Variants in PRICKLE1 observed in about 807,000 individuals in gnomAD.
PRICKLE1 encodes the protein prickle-like protein 1.
Under a neutral mutation model 70.2 loss-of-function variants are expected in PRICKLE1, and 14 were observed. The ratio of observed to expected loss-of-function variants is 0.20; its 90% CI spans 0.13 to 0.31. The LOEUF (loss-of-function observed/expected upper bound fraction) is 0.31, where lower values mean the gene tolerates loss of function less well. PRICKLE1 is among the 10% of genes least tolerant of loss of function. The pLI is 1.00. For synonymous variants in PRICKLE1, 357 were observed against 379.9 expected (o/e 0.94, Z 0.70); for missense variants, 821 against 1,026.2 (o/e 0.80, Z 2.73).
intron 1 of PRICKLE1, among the ~76,000 whole-genome samples, chr12:42,502,235 C>CTATATA (rs5797801): frequency 0.017 from 2,601 of 149,924 alleles, 39 homozygotes; most frequent in African/African-American, 0.04. Context: ...ATACATATAC[C>CTATATA]TCTATATATA....
intron 7 of PRICKLE1, 149 bp from the exon 8 acceptor site, chr12:42,460,814 A>G: frequency 1.2e-6 from 1 of 842,130 alleles, no homozygotes; most frequent in Non-Finnish European, 1.9e-6. Context: ...ACATGTATCT[A>G]TGCCAATTGA....
chr12:42,465,512 A>G (rs1400710577), intron 6 of PRICKLE1: 2 of 509,748 alleles, frequency 3.9e-6, no homozygotes, highest in Admixed American at 3.6e-5. Context: ...AGTGGTAAAA[A>G]TACGAACTGA....
chr12:42,466,523 A>G, intron 5 of PRICKLE1, 143 bp from the exon 6 acceptor site: 2 of 716,540 alleles, frequency 2.8e-6, no homozygotes, highest in Non-Finnish European at 4.8e-6. Context: ...TCTTAGAGTC[A>G]CAAGCTTAAA....
At chr12:42,509,308 A>G (rs773345706) in intron 1 of PRICKLE1, among the ~76,000 whole-genome samples, 69 of 152,262 alleles carry the variant, frequency 4.5e-4, no homozygotes, top group Non-Finnish European at 7.9e-4. Context: ...CATTTAGGCT[A>G]ACATGAAGGA....
chr12:42,496,553 T>C (rs1216651555), intron 1 of PRICKLE1, among the ~76,000 whole-genome samples: 1 of 152,228 alleles, frequency 6.6e-6, no homozygotes, highest in African/African-American at 2.4e-5. Flanking sequence ...AAATCCTAGA[T>C]GGCATCGTCT....
At chr12:42,564,269 A>AAAAAT (rs71084673) in intron 1 of PRICKLE1, among the ~76,000 whole-genome samples, 4 of 124,990 alleles carry the variant, frequency 3.2e-5, no homozygotes, top group South Asian at 2.5e-4. Flanking sequence ...AAAAAAAAAA[A>AAAAAT]AAAGAAAAGA....
At chr12:42,498,173 TCTC>T (rs915372266) in intron 1 of PRICKLE1, among the ~76,000 whole-genome samples, 1 of 124,570 alleles carries the variant, frequency 8.0e-6, no homozygotes, top group Non-Finnish European at 1.6e-5. Context: ...CTTTTCTCTC[TCTC>T]TTTTTTTTTT....
At chr12:42,585,032 C>CTTTT (rs113214994) in intron 1 of PRICKLE1, among the ~76,000 whole-genome samples, 1 of 145,008 alleles carries the variant, frequency 6.9e-6, no homozygotes, top group South Asian at 2.2e-4. Flanking sequence ...ACAGCCCTAA[C>CTTTT]TTTTTTTTTT....
At chr12:42,562,681 AAT>A (rs1239986072) in intron 1 of PRICKLE1, among the ~76,000 whole-genome samples, 1 of 152,208 alleles carries the variant, frequency 6.6e-6, no homozygotes, top group Non-Finnish European at 1.5e-5. Context: ...GCACAAAGAA[AAT>A]TTAAACATCA....
At chr12:42,483,877 A>C (rs1938906627) in intron 1 of PRICKLE1, 1 of 151,648 alleles carries the variant, frequency 6.6e-6, no homozygotes, top group South Asian at 2.1e-4. Flanking sequence ...CACCTCGTCC[A>C]GGCCACTGCA....
chr12:42,495,372 C>G (rs2140175004), intron 1 of PRICKLE1, among the ~76,000 whole-genome samples: 1 of 139,928 alleles, frequency 7.1e-6, no homozygotes, highest in East Asian at 2.1e-4. Flanking sequence ...CAAAGCCAGA[C>G]CTTGTCTCAA....
chr12:42,564,290 AG>A (rs1369342473), intron 1 of PRICKLE1, among the ~76,000 whole-genome samples: 1 of 150,048 alleles, frequency 6.7e-6, no homozygotes, highest in Non-Finnish European at 1.5e-5. Flanking sequence ...AAAAAGAAAA[AG>A]GTCTCTTTCC....
rs184444166 is a variant in PRICKLE1, at chr12:42,568,276, G to A, written c.-49+21189C>T. On this transcript the variant is annotated intron_variant, in intron 1 of 7. Coordinates refer to ENST00000345127, the MANE Select transcript of PRICKLE1 (RefSeq NM_153026.3). ...TGCAGCCTCTGCCTTTCAGGCTTAAGTCATCCTCCCACCTCAGCCTCCCAA... is the reference window on the plus strand; with the variant it reads ...TGCAGCCTCTGCCTTTCAGGCTTAAATCATCCTCCCACCTCAGCCTCCCAA... Among the ~76,000 whole-genome samples the A allele has an allele frequency of 2.2e-3, 342 of 152,304 alleles. 1 individual carries two copies. The highest frequency in any genetic ancestry group is 2.0e-3 in the Non-Finnish European group (133 of 68,028).
Position 42,459,267 on chromosome 12 carries a change from T to C in PRICKLE1, c.*542A>G, listed in dbSNP as rs937443151. The C allele has an allele frequency of 1.8e-5, 12 of 678,328 alleles. No homozygotes were observed. The highest frequency in any genetic ancestry group is 2.9e-5 in the Non-Finnish European group (11 of 373,134). The allele number at this position is 678,328 out of a possible 1,614,324, so 42.0% of individuals were successfully genotyped here. A position where few individuals can be genotyped will look rare whatever the true frequency, so the allele number is the denominator to read the frequency against. On this transcript the variant is annotated 3_prime_UTR_variant, in exon 8 of 8. Transcript: ENST00000345127. Reference sequence around the variant, plus strand: ...TAGCAATGTTTTTTGTTTTTTTTTTTCAATCTGTAGCTGGCGCTGATACAA... The same window carrying C: ...TAGCAATGTTTTTTGTTTTTTTTTTCCAATCTGTAGCTGGCGCTGATACAA...
At chr12:42,521,605 T>TG (rs1939709640) in intron 1 of PRICKLE1, among the ~76,000 whole-genome samples, 2 of 150,668 alleles carry the variant, frequency 1.3e-5, no homozygotes, top group Non-Finnish European at 3.0e-5. Flanking sequence ...GAGGCTGAGG[T>TG]CGGGGGGATC....
chr12:42,475,512 G>T (rs567275648), intron 1 of PRICKLE1, among the ~76,000 whole-genome samples: 35 of 152,074 alleles, frequency 2.3e-4, no homozygotes, highest in African/African-American at 6.8e-4. Flanking sequence ...CTGCCTCCAG[G>T]GGGGGAGTGC....
Position 42,460,869 on chromosome 12 carries a change from CTTTTTTGTTTTGT to C in PRICKLE1, c.1640-217_1640-205del, listed in dbSNP as rs1030325485. On this transcript the variant is annotated intron_variant, in intron 7 of 7. Coordinates refer to ENST00000345127, the MANE Select transcript of PRICKLE1 (RefSeq NM_153026.3). ...TATTGTTATAAGGGGTGGGCACAGC[CTTTTTTGTTTTGT>C]TTTTTTGTTTTGTTTTGAGACAGAG... 150 of 641,576 alleles carry C rather than the reference CTTTTTTGTTTTGT, an allele frequency of 2.3e-4. 2 individuals are homozygous for C. The South Asian group carries it at 2.4e-3, about 10-fold the overall frequency. The allele number at this position is 641,576 out of a possible 1,614,324, so 39.7% of individuals were successfully genotyped here.
intron 5 of PRICKLE1, among the ~76,000 whole-genome samples, chr12:42,466,891 T>G (rs1352511137): frequency 6.6e-6 from 1 of 152,182 alleles, no homozygotes; most frequent in Non-Finnish European, 1.5e-5. Flanking sequence ...ACTCTTTATT[T>G]TTTTGAGACA....
At chr12:42,575,681 G>A (rs1168292223) in intron 1 of PRICKLE1, among the ~76,000 whole-genome samples, 5 of 150,030 alleles carry the variant, frequency 3.3e-5, no homozygotes, top group African/African-American at 4.9e-5. Flanking sequence ...GTGACAGAGC[G>A]AAACTCCATC....
Sources: gnomAD v4.1 joint callset for allele counts (sites outside exome capture counted in the v4.1 genomes callset) on GRCh38, gnomAD v4.1.1 for gene constraint, MANE v1.5 for transcripts, NCBI Gene and HGNC (gene_info 2026-07-23, HGNC 2026-07-21) for gene names.